Variants in FAT4 observed in about 807,000 individuals in gnomAD.
The protein encoded by FAT4 is FAT atypical cadherin 4.
In FAT4, 84 loss-of-function variants were observed where a neutral mutation model predicts 303.9. The observed-to-expected ratio is 0.28, with a 90% CI of 0.23 to 0.33. FAT4 has a LOEUF of 0.33. Among genes scored for constraint, FAT4 ranks in the 10% least tolerant of loss-of-function variants. FAT4 has a pLI of 1.00. For missense variants in FAT4, 6,005 were observed against 6,146.8 expected (o/e 0.98, Z 0.77); for synonymous variants, 2,307 against 2,298.8 (o/e 1.00, Z -0.10).
intron 10 of FAT4, 71 bp downstream of exon 10, chr4:125,452,881 A>G: frequency 1.4e-6 from 2 of 1,481,302 alleles, no homozygotes; most frequent in South Asian, 1.4e-5. Context: ...AAATAATTTT[A>G]TCATTTTCCA....
At chr4:125,329,986 G>A (rs1731314441) in intron 2 of FAT4, among the ~76,000 whole-genome samples, 1 of 152,050 alleles carries the variant, frequency 6.6e-6, no homozygotes, top group South Asian at 2.1e-4. Context: ...TAGTAACTTG[G>A]TCTAAGACAC....
At chr4:125,471,842 G>A (rs948808682) in intron 12 of FAT4, among the ~76,000 whole-genome samples, 8 of 137,274 alleles carry the variant, frequency 5.8e-5, no homozygotes, top group Non-Finnish European at 9.1e-5. Context: ...ACGAGGTCAG[G>A]AGATCGAGAC....
intron 2 of FAT4, among the ~76,000 whole-genome samples, chr4:125,334,983 A>G (rs1205834331): frequency 6.6e-6 from 1 of 152,192 alleles, no homozygotes; most frequent in African/African-American, 2.4e-5. Flanking sequence ...CTGAGGTTGT[A>G]ATTAGTTACA....
intron 2 of FAT4, among the ~76,000 whole-genome samples, chr4:125,358,851 T>C (rs2710560): frequency 0.52 from 79,660 of 151,908 alleles, 20,912 homozygotes; most frequent in Admixed American, 0.62. Context: ...AAAATTATAG[T>C]TAGTAGAAGG....
intron 10 of FAT4, among the ~76,000 whole-genome samples, chr4:125,462,899 A>C (rs1560623834): frequency 6.6e-6 from 1 of 151,992 alleles, no homozygotes; most frequent in East Asian, 1.9e-4. Context: ...CTCACTCAAT[A>C]TTAGTTGATT....
chr4:125,422,892 G>T (rs1560813378), intron 7 of FAT4, among the ~76,000 whole-genome samples: 1 of 152,190 alleles, frequency 6.6e-6, no homozygotes, highest in Non-Finnish European at 1.5e-5. Context: ...TATGGAAAAT[G>T]AAGTCCAGGC....
chr4:125,434,454 T>C (rs7656135), intron 8 of FAT4, 29 bp downstream of exon 8: 1 of 1,609,138 alleles, frequency 6.2e-7, no homozygotes, highest in Non-Finnish European at 8.5e-7. Flanking sequence ...GTAAAGTTTG[T>C]CTGTTTTCTC....
intron 2 of FAT4, among the ~76,000 whole-genome samples, chr4:125,324,286 G>A (rs903711868): frequency 2.0e-5 from 3 of 152,128 alleles, no homozygotes; most frequent in African/African-American, 7.2e-5. Context: ...ATCCTTTAAT[G>A]TGTATTACAT....
Position 125,319,573 on chromosome 4 carries a change from A to G in FAT4, c.3162A>G (p.Ile1054Met), listed in dbSNP as rs1437276055. The stretch of plus-strand genomic sequence containing the variant: ...TATTCCCAGATGGTCAATTGTATAT[A>G]AAAAGTGAACTGGACCGTGAACTTC... ...FGIFPDGQLY[I>M]KSELDRELQD... The change falls in exon 2 of 18, where the codon ATA (isoleucine) becomes ATG (methionine). Residue 1054 changes from isoleucine (I) to methionine (M), a missense_variant. Ile to Met is a conservative substitution (Grantham distance 10). Coordinates refer to ENST00000394329, the MANE Select transcript of FAT4 (RefSeq NM_001291303.3). 1 of 1,613,994 alleles carries G rather than the reference A, an allele frequency of 6.2e-7. No individual in the cohort carries two copies. The highest frequency in any genetic ancestry group is 8.5e-7 in the Non-Finnish European group (1 of 1,179,948).
In FAT4 at chr4:125,452,025, C is replaced by T; in HGVS notation, c.11015C>T (p.Ser3672Phe). ...SIPGGTCDLNSQPRSTDGTFD... is the reference protein window; with the variant it reads ...SIPGGTCDLNFQPRSTDGTFD... ...CCAGGGGGTACTTGTGATCTGAATT[C>T]CCAGCCAAGGTCCACAGATGGCACG... Residue 3672 changes from serine to phenylalanine, a missense_variant, in exon 10 of 18, where the codon TCC becomes TTC. Transcript: ENST00000394329. 1.2e-6 allele frequency: 2 copies of T among 1,614,136 alleles called. No homozygotes were observed. The highest frequency in any genetic ancestry group is 4.5e-5 in the East Asian group (2 of 44,872).
chr4:125,470,199 G>A (rs765079687), intron 12 of FAT4, among the ~76,000 whole-genome samples: 2 of 152,140 alleles, frequency 1.3e-5, no homozygotes, highest in Non-Finnish European at 2.9e-5. Context: ...AATAAACCAT[G>A]CTGTAAACAG....
chr4:125,487,754 G>T, intron 17 of FAT4, 148 bp downstream of exon 17: 3 of 756,210 alleles, frequency 4.0e-6, no homozygotes, highest in African/African-American at 1.8e-5. Flanking sequence ...TAAAAAAGTA[G>T]TTTGATGTCT....
chr4:125,451,244 A>G lies in FAT4; in HGVS notation c.10234A>G (p.Ser3412Gly), dbSNP rs1426882494. 8 of 1,614,016 alleles carry G rather than the reference A, an allele frequency of 5.0e-6. No homozygotes were observed. The highest frequency in any genetic ancestry group is 3.3e-5 in the Admixed American group (2 of 60,002). Residue 3412 changes from serine to glycine, a missense_variant, in exon 10 of 18, where the codon AGT (serine) becomes GGT (glycine). Transcript: ENST00000394329. The stretch of plus-strand genomic sequence containing the variant: ...ACCCATTTTTACTCTAAACATCTAC[A>G]GTGTGCAGATCAGTGAAGGGGTCCC... ...DPPIFTLNIY[S>G]VQISEGVPIG...
Position 125,316,257 on chromosome 4 carries a change from T to G in FAT4, c.-12-143T>G, listed in dbSNP as rs1730580290. The G allele has an allele frequency of 2.0e-6, 2 of 1,008,786 alleles. No homozygotes were observed. Among genetic ancestry groups the G allele is most frequent in the East Asian group, 4.8e-5 (2 of 41,630 alleles). The allele number at this position is 1,008,786 out of a possible 1,614,324, so 62.5% of individuals were successfully genotyped here. ...CCTAGAGTCTTTTGCTGATGCTACT[T>G]GCTTTTGCCGGACTGGAGGTTCTTT... On this transcript the variant is annotated intron_variant, in intron 1 of 17. Transcript: ENST00000394329. The surrounding 1 kb of genome is among the most constrained non-coding windows in gnomAD (Gnocchi z 5.7).
At chr4:125,378,114 G>A (rs1044461943) in intron 2 of FAT4, among the ~76,000 whole-genome samples, 3 of 152,092 alleles carry the variant, frequency 2.0e-5, no homozygotes, top group Non-Finnish European at 2.9e-5. Flanking sequence ...TCCTGCTCCA[G>A]ATTAACAGAT....
rs1469968616 is a variant in FAT4 at position 125,450,833 on chromosome 4, G to T, written c.9823G>T (p.Val3275Phe). 6.2e-7 allele frequency: 1 copy of T among 1,613,984 alleles called. No homozygotes were observed. Among genetic ancestry groups the T allele is most frequent in the Non-Finnish European group, 8.5e-7 (1 of 1,180,028 alleles). The change falls in exon 10 of 18, where the codon GTC becomes TTC. Residue 3275 changes from valine to phenylalanine, a missense_variant. By Grantham distance (50) the Val-to-Phe change is conservative (BLOSUM62 -1). Transcript: ENST00000394329. ...CCATCTTACTGTGAAAGCCTTCAAT[G>T]TCCCCGATGAGGAAAGGTGTAGCTT... Reference protein sequence around the residue: ...SYHLTVKAFNVPDEERCSFAT... With the variant: ...SYHLTVKAFNFPDEERCSFAT...
At chr4:125,361,951 G>A (rs1056599945) in intron 2 of FAT4, among the ~76,000 whole-genome samples, 1 of 152,048 alleles carries the variant, frequency 6.6e-6, no homozygotes, top group African/African-American at 2.4e-5. Flanking sequence ...TGTGTAGAAT[G>A]TTGCCTTGTT....
chr4:125,465,186 A>G (rs1726620376), intron 11 of FAT4, among the ~76,000 whole-genome samples: 1 of 152,234 alleles, frequency 6.6e-6, no homozygotes, highest in Non-Finnish European at 1.5e-5. Context: ...TGTAGCAACT[A>G]GAACACAATT....
At chr4:125,414,816 A>T in intron 5 of FAT4, 68 bp from the exon 6 acceptor site, 1 of 1,063,738 alleles carries the variant, frequency 9.4e-7, no homozygotes, top group Non-Finnish European at 1.4e-6. Context: ...ACTTGCTAAA[A>T]GTTTTGGTAT....
Sources: gnomAD v4.1 joint callset for allele counts (sites outside exome capture counted in the v4.1 genomes callset) on GRCh38, gnomAD v4.1.1 for gene constraint, Gnocchi (gnomAD v3.1) non-coding constraint, MANE v1.5 for transcripts, NCBI Gene and HGNC (gene_info 2026-07-23, HGNC 2026-07-21) for gene names.